The following EFCAB8 variants were observed in gnomAD, a reference collection of about 807,000 sequenced individuals.
EFCAB8 encodes the protein EF-hand calcium-binding domain-containing protein 8.
In EFCAB8, 100 loss-of-function variants were observed where a neutral mutation model predicts 116.3. The observed-to-expected ratio is 0.86, with a 90% CI of 0.73 to 1.02. The LOEUF (loss-of-function observed/expected upper bound fraction) is 1.02. Among genes scored for constraint, EFCAB8 ranks in the 50% least tolerant of loss-of-function variants. The pLI is 0.00. For synonymous variants in EFCAB8, 558 were observed against 567.9 expected (o/e 0.98, Z 0.25); for missense variants, 1,320 against 1,416.9 (o/e 0.93, Z 1.10).
At chr20:32,890,778 A>G (rs1395790251) in intron 7 of EFCAB8, among the ~76,000 whole-genome samples, 1 of 152,216 alleles carries the variant, frequency 6.6e-6, no homozygotes, top group Non-Finnish European at 1.5e-5. Context: ...CCTATGAGCA[A>G]TTGCTTTACC....
chr20:32,891,641 G>A (rs1346727657), intron 7 of EFCAB8, among the ~76,000 whole-genome samples: 1 of 152,184 alleles, frequency 6.6e-6, no homozygotes, highest in Non-Finnish European at 1.5e-5. Flanking sequence ...GTGATCCCCG[G>A]CCTTTGTGGC....
At position 32,908,266 on chromosome 20, in the gene EFCAB8, A is replaced by C; in HGVS notation, c.1309-9A>C. 8.0e-7 allele frequency: 1 copy of C among 1,249,294 alleles called. No individual in the cohort carries two copies. The highest frequency in any genetic ancestry group is 1.0e-6 in the Non-Finnish European group (1 of 988,118). 77.4% of individuals were successfully genotyped at this position (1,249,294 alleles called of 1,614,324 possible). ...ATGCTCAGCGTCTTGCCTTTTTCCCATCCCCCAGAATATTCGCGTGTGGGA... is the reference window on the plus strand; with the variant it reads ...ATGCTCAGCGTCTTGCCTTTTTCCCCTCCCCCAGAATATTCGCGTGTGGGA... On this transcript the variant is annotated splice_polypyrimidine_tract_variant and intron_variant, in intron 13 of 26. Transcript: ENST00000400522.
intron 23 of EFCAB8, among the ~76,000 whole-genome samples, chr20:32,952,703 T>C (rs1482035769): frequency 6.6e-6 from 1 of 152,238 alleles, no homozygotes; most frequent in African/African-American, 2.4e-5. Context: ...TGAGTACTTT[T>C]ATCAGTGTAT....
At chr20:32,880,308 G>A (rs1286343844) in intron 5 of EFCAB8, among the ~76,000 whole-genome samples, 3 of 150,382 alleles carry the variant, frequency 2.0e-5, no homozygotes, top group Non-Finnish European at 3.0e-5. Context: ...TCACTCAGTT[G>A]CCCAGGTTGG....
At chr20:32,930,315 G>A in intron 20 of EFCAB8, 83 bp from the exon 21 acceptor site, 1 of 1,155,252 alleles carries the variant, frequency 8.7e-7, no homozygotes, top group South Asian at 1.5e-5. Context: ...GACCAGGTGG[G>A]TGTGGTGACT....
intron 16 of EFCAB8, among the ~76,000 whole-genome samples, chr20:32,912,454 A>G (rs1986984062): frequency 6.6e-6 from 1 of 150,708 alleles, no homozygotes. Flanking sequence ...AAGAAGAAGA[A>G]GAAAGAAAGT....
chr20:32,863,641 TG>T, intron 1 of EFCAB8, 141 bp from the exon 2 acceptor site: 1 of 652,968 alleles, frequency 1.5e-6, no homozygotes, highest in Non-Finnish European at 2.5e-6. Flanking sequence ...CACTGCTCGC[TG>T]GGAGTGTCCA....
At chr20:32,961,018 C>T (rs1025679348) in intron 26 of EFCAB8, 118 bp from the exon 27 acceptor site, 129 of 854,896 alleles carry the variant, frequency 1.5e-4, no homozygotes, top group Non-Finnish European at 2.1e-4. Flanking sequence ...TCTGGACACA[C>T]GCCTTCTTGG....
Position 32,918,559 on chromosome 20 carries a change from GC to G in EFCAB8, c.2261del (p.Pro754LeufsTer52), listed in dbSNP as rs1987304731. 68 of 1,551,466 alleles carry G rather than the reference GC, an allele frequency of 4.4e-5. No homozygotes were observed. Among genetic ancestry groups the G allele is most frequent in the Non-Finnish European group, 5.8e-5 (66 of 1,146,964 alleles). The stretch of plus-strand genomic sequence containing the variant: ...GCCCGAGAGACAAGGAGCCAGACAG[GC>G]CTGTGCCCCAGCAGGTGGGAGCGAG... The part of the protein sequence containing the change: ...RCPRDKEPDR[P>X]VPQQKPSSAS... On this transcript the variant is annotated frameshift_variant, in exon 19 of 27. Coordinates refer to ENST00000400522, the MANE Select transcript of EFCAB8 (RefSeq NM_001143967.2). LOFTEE classifies it high-confidence loss of function.
chr20:32,927,387 C>A (rs2146269428), intron 20 of EFCAB8, among the ~76,000 whole-genome samples: 1 of 152,164 alleles, frequency 6.6e-6, no homozygotes, highest in South Asian at 2.1e-4. Flanking sequence ...CTCTGTCTCC[C>A]AGGCTGGAGT....
chr20:32,907,020 CCTT>C, intron 13 of EFCAB8, 26 bp downstream of exon 13: 1 of 1,481,192 alleles, frequency 6.8e-7, no homozygotes, highest in Non-Finnish European at 9.0e-7. Flanking sequence ...CCGCCTGACT[CCTT>C]CTGTTCCTCA....
chr20:32,960,156 C>T lies in EFCAB8; in HGVS notation c.3388C>T (p.His1130Tyr). 1 of 1,551,610 alleles carries T rather than the reference C, an allele frequency of 6.4e-7. No individual in the cohort carries two copies. The highest frequency in any genetic ancestry group is 8.7e-7 in the Non-Finnish European group (1 of 1,146,948). Residue 1130 changes from histidine (H) to tyrosine (Y), a missense_variant, in exon 26 of 27, where the codon CAT (histidine) becomes TAT (tyrosine). Coordinates refer to ENST00000400522, the MANE Select transcript of EFCAB8 (RefSeq NM_001143967.2). ...STRVPYGWMK[H>Y]QISPQVYQSL... Reference sequence around the variant, plus strand: ...CAGGGTGCCATATGGCTGGATGAAGCATCAGGTAAGGTGGGATGGGGCAGC... The same window carrying T: ...CAGGGTGCCATATGGCTGGATGAAGTATCAGGTAAGGTGGGATGGGGCAGC...
chr20:32,922,622 G>A (rs1453232254), intron 20 of EFCAB8, among the ~76,000 whole-genome samples: 1 of 152,198 alleles, frequency 6.6e-6, no homozygotes, highest in African/African-American at 2.4e-5. Flanking sequence ...GACATGGGAG[G>A]AGATGGCATT....
chr20:32,920,691 C>G (rs956349396), intron 20 of EFCAB8, among the ~76,000 whole-genome samples: 1 of 152,122 alleles, frequency 6.6e-6, no homozygotes, highest in African/African-American at 2.4e-5. Flanking sequence ...TGGTCCCTCC[C>G]ACAACACGGG....
At chr20:32,873,912 C>T (rs1016587629) in intron 3 of EFCAB8, among the ~76,000 whole-genome samples, 4 of 151,276 alleles carry the variant, frequency 2.6e-5, no homozygotes, top group East Asian at 1.9e-4. Context: ...TTCTTTTCTT[C>T]GTTTTTATTT....
At chr20:32,887,303 C>T (rs895166391) in intron 6 of EFCAB8, among the ~76,000 whole-genome samples, 21 of 152,334 alleles carry the variant, frequency 1.4e-4, no homozygotes, top group Admixed American at 8.5e-4. Context: ...GCGCCAGGCG[C>T]GGAGGCTCAC....
chr20:32,875,403 C>G (rs564420597), intron 3 of EFCAB8, among the ~76,000 whole-genome samples: 1 of 152,114 alleles, frequency 6.6e-6, no homozygotes, highest in Non-Finnish European at 1.5e-5. Flanking sequence ...TTGGCTGGAG[C>G]CATCTCCCTT....
At chr20:32,924,453 A>G (rs1987592999) in intron 20 of EFCAB8, among the ~76,000 whole-genome samples, 1 of 152,214 alleles carries the variant, frequency 6.6e-6, no homozygotes. Flanking sequence ...TTTATTTAAT[A>G]CATCTGAAAA....
At chr20:32,909,575 GA>G (rs769898459) in intron 14 of EFCAB8, among the ~76,000 whole-genome samples, 2 of 151,706 alleles carry the variant, frequency 1.3e-5, no homozygotes, top group Non-Finnish European at 2.9e-5. Context: ...AGGGACCTTG[GA>G]CTTGGAATTT....
Sources: allele counts gnomAD v4.1 joint callset (sites outside exome capture counted in the v4.1 genomes callset), GRCh38; gene constraint gnomAD v4.1.1; transcripts MANE v1.5; gene names NCBI Gene and HGNC (gene_info 2026-07-23, HGNC 2026-07-21).